The following SDK1 variants were observed in gnomAD, a reference collection of about 807,000 sequenced individuals.
The protein encoded by SDK1 is protein sidekick-1.
A neutral mutation model predicts 245.5 loss-of-function variants in SDK1; 157 were observed. The observed-to-expected ratio is 0.64, with a 90% CI of 0.56 to 0.73. The LOEUF is 0.73. Ranked by LOEUF, SDK1 falls within the 30% of genes least tolerant of loss-of-function variation. The pLI is 0.00. For missense variants in SDK1, 3,583 were observed against 3,002.3 expected (o/e 1.19, Z -4.52); for synonymous variants, 1,647 against 1,278.5 (o/e 1.29, Z -6.15).
chr7:4,262,794 T>C (rs1326244579), intron 44 of SDK1, among the ~76,000 whole-genome samples: 1 of 58,172 alleles, frequency 1.7e-5, no homozygotes, highest in Non-Finnish European at 3.2e-5. Context: ...TCTCCTCCCC[T>C]CCCTTCTACC....
chr7:3,758,890 T>C (rs1286287182), intron 4 of SDK1, among the ~76,000 whole-genome samples: 1 of 152,220 alleles, frequency 6.6e-6, no homozygotes, highest in Non-Finnish European at 1.5e-5. Context: ...TCTGTATCCA[T>C]CTGTATCTAT....
intron 4 of SDK1, among the ~76,000 whole-genome samples, chr7:3,766,291 C>T (rs1338293467): frequency 2.0e-5 from 3 of 152,194 alleles, no homozygotes; most frequent in Admixed American, 1.3e-4. Context: ...ATTCATGCCT[C>T]AAGAAGTTCT....
chr7:4,084,390 A>G (rs187568683), intron 22 of SDK1, among the ~76,000 whole-genome samples: 315 of 152,284 alleles, frequency 2.1e-3, no homozygotes, highest in Non-Finnish European at 3.5e-3. Flanking sequence ...TCTTTGGCCT[A>G]GGGAGGCTTT....
intron 40 of SDK1, among the ~76,000 whole-genome samples, chr7:4,225,825 C>G (rs1315862200): frequency 5.3e-5 from 8 of 152,138 alleles, no homozygotes; most frequent in Non-Finnish European, 1.0e-4. Context: ...TCAAGAAGAC[C>G]CCAGCTTTTT....
chr7:3,697,018 A>G (rs1480964522), intron 4 of SDK1, among the ~76,000 whole-genome samples: 1 of 151,976 alleles, frequency 6.6e-6, no homozygotes, highest in Non-Finnish European at 1.5e-5. Context: ...AAGATCTTGA[A>G]TGAGATATAC....
intron 1 of SDK1, among the ~76,000 whole-genome samples, chr7:3,614,389 C>G (rs757501651): frequency 4.6e-5 from 7 of 152,128 alleles, no homozygotes; most frequent in Non-Finnish European, 7.3e-5. Flanking sequence ...AAGGGAATGT[C>G]TATTATTATT....
chr7:3,909,005 C>G (rs184583930), intron 5 of SDK1, among the ~76,000 whole-genome samples: 1 of 152,104 alleles, frequency 6.6e-6, no homozygotes, highest in East Asian at 1.9e-4. Context: ...GCCCCCTGCT[C>G]AAGTGAGCCA....
chr7:4,233,529 G>A, intron 41 of SDK1, 110 bp downstream of exon 41: 1 of 1,028,508 alleles, frequency 9.7e-7, no homozygotes. Flanking sequence ...AGGGAGAAAT[G>A]GGGTCGAGGG....
chr7:3,360,313 A>G (rs1481469244), intron 1 of SDK1, among the ~76,000 whole-genome samples: 1 of 152,190 alleles, frequency 6.6e-6, no homozygotes, highest in Non-Finnish European at 1.5e-5. Flanking sequence ...TGAAGCTCTT[A>G]AGTTATCTAG....
At chr7:4,188,257 C>CA (rs1783002030) in intron 35 of SDK1, among the ~76,000 whole-genome samples, 1 of 152,242 alleles carries the variant, frequency 6.6e-6, no homozygotes, top group Non-Finnish European at 1.5e-5. Flanking sequence ...GAGGTGCCCT[C>CA]AGTAAGTTGT....
intron 28 of SDK1, among the ~76,000 whole-genome samples, chr7:4,132,784 G>A (rs922489368): frequency 2.0e-5 from 3 of 152,158 alleles, no homozygotes; most frequent in Admixed American, 6.5e-5. Context: ...TAACAATCAA[G>A]TTGATGTCTT....
intron 26 of SDK1, 160 bp from the exon 27 acceptor site, chr7:4,129,748 A>T: frequency 6.9e-7 from 1 of 1,444,306 alleles, no homozygotes; most frequent in Non-Finnish European, 9.1e-7. Flanking sequence ...CCCAAATGCC[A>T]GCATGGACAA....
chr7:3,988,485 G>A (rs764819301), intron 14 of SDK1, among the ~76,000 whole-genome samples: 2 of 152,070 alleles, frequency 1.3e-5, no homozygotes, highest in African/African-American at 2.4e-5. Context: ...TCCACGTCCT[G>A]CAGGGGTTCC....
At chr7:4,027,054 G>C (rs184713588) in intron 17 of SDK1, among the ~76,000 whole-genome samples, 5 of 152,154 alleles carry the variant, frequency 3.3e-5, no homozygotes, top group African/African-American at 1.2e-4. Context: ...TGTGCAGGAC[G>C]TGAAGATTTG....
At chr7:3,926,084 A>G (rs957129770) in intron 5 of SDK1, among the ~76,000 whole-genome samples, 49 of 152,174 alleles carry the variant, frequency 3.2e-4, no homozygotes, top group African/African-American at 1.2e-3. Flanking sequence ...CAGAGTCACA[A>G]GCTGGCTTTC....
rs550063007 is a variant in SDK1 at position 3,962,053 on chromosome 7, G to T, written c.1235-604G>T. On this transcript the variant is annotated intron_variant, in intron 8 of 44. Coordinates refer to ENST00000404826, the MANE Select transcript of SDK1 (RefSeq NM_152744.4). ...TGCACATATATACACACATGTACACGTGCACACACTCGCATGAACACATGC... is the reference window on the plus strand; with the variant it reads ...TGCACATATATACACACATGTACACTTGCACACACTCGCATGAACACATGC... Among the ~76,000 whole-genome samples, 3 of 151,896 alleles carry T rather than the reference G, an allele frequency of 2.0e-5. No homozygotes were observed. The East Asian group carries it at 5.8e-4, about 29-fold the overall frequency.
At chr7:3,450,188 C>T (rs1366907024) in intron 1 of SDK1, among the ~76,000 whole-genome samples, 1 of 152,174 alleles carries the variant, frequency 6.6e-6, no homozygotes, top group Non-Finnish European at 1.5e-5. Flanking sequence ...CACATGTGTT[C>T]ATATTTATCG....
intron 4 of SDK1, among the ~76,000 whole-genome samples, chr7:3,741,207 C>G (rs1016198982): frequency 6.6e-6 from 1 of 152,192 alleles, no homozygotes; most frequent in Non-Finnish European, 1.5e-5. Flanking sequence ...ACAGTCTTTC[C>G]CTCTAACCAT....
chr7:4,022,578 G>C (rs1786986774), intron 17 of SDK1, among the ~76,000 whole-genome samples: 3 of 152,146 alleles, frequency 2.0e-5, no homozygotes, highest in South Asian at 4.1e-4. Context: ...ACAAGCAGCA[G>C]GCAGGGAGCA....
Sources: allele counts gnomAD v4.1 joint callset (sites outside exome capture counted in the v4.1 genomes callset), GRCh38; gene constraint gnomAD v4.1.1; transcripts MANE v1.5; gene names NCBI Gene and HGNC (gene_info 2026-07-23, HGNC 2026-07-21).